The following CNTN5 variants were observed in gnomAD, a reference collection of about 807,000 sequenced individuals.
CNTN5 encodes contactin 5.
A neutral mutation model predicts 129.1 loss-of-function variants in CNTN5; 77 were observed. The observed-to-expected ratio is 0.60, with a 90% CI of 0.50 to 0.72. The LOEUF is 0.72. CNTN5 is among the 30% of genes least tolerant of loss of function. The probability of loss-of-function intolerance (pLI) is 0.00; values close to 1 mark genes in which losing one functional copy is unlikely to be tolerated. For synonymous variants in CNTN5, 509 were observed against 465.6 expected (o/e 1.09, Z -1.20); for missense variants, 1,478 against 1,328.8 (o/e 1.11, Z -1.75).
intron 1 of CNTN5, among the ~76,000 whole-genome samples, chr11:99,160,452 C>G (rs1332895894): frequency 6.6e-6 from 1 of 152,160 alleles, no homozygotes; most frequent in East Asian, 1.9e-4. Context: ...GAATTGCTTT[C>G]TACTTGGCCA....
intron 2 of CNTN5, among the ~76,000 whole-genome samples, chr11:99,331,262 A>G (rs1311863630): frequency 6.6e-6 from 1 of 152,144 alleles, no homozygotes; most frequent in Non-Finnish European, 1.5e-5. Context: ...TGTGATACCG[A>G]AGACCAGTGG....
chr11:99,826,213 A>G (rs1332352143), intron 4 of CNTN5, among the ~76,000 whole-genome samples: 3 of 152,144 alleles, frequency 2.0e-5, no homozygotes, highest in Non-Finnish European at 2.9e-5. Flanking sequence ...TTGCAAGTAC[A>G]TGTGGAAAGG....
intron 2 of CNTN5, among the ~76,000 whole-genome samples, chr11:99,369,168 TTA>T (rs971531361): frequency 1.4e-5 from 2 of 142,948 alleles, no homozygotes; most frequent in East Asian, 2.0e-4. Flanking sequence ...GGGAGAAGAA[TTA>T]TATATATATA....
At chr11:99,148,963 A>G (rs78604795) in intron 1 of CNTN5, among the ~76,000 whole-genome samples, 5,001 of 151,698 alleles carry the variant, frequency 0.033, 119 homozygotes, top group South Asian at 0.066. Context: ...AATCATTTGT[A>G]TGAGAGAGTT....
chr11:99,368,827 T>C (rs1425440464), intron 2 of CNTN5, among the ~76,000 whole-genome samples: 3 of 152,024 alleles, frequency 2.0e-5, no homozygotes, highest in African/African-American at 7.2e-5. Context: ...TCAAGGCTAT[T>C]GCAATAGGGG....
chr11:99,093,238 T>C (rs903950105), intron 1 of CNTN5, among the ~76,000 whole-genome samples: 1 of 152,070 alleles, frequency 6.6e-6, no homozygotes, highest in Non-Finnish European at 1.5e-5. Flanking sequence ...AGCATAGTTA[T>C]TGTTTAATTT....
At chr11:99,395,726 G>A (rs1941486042) in intron 2 of CNTN5, among the ~76,000 whole-genome samples, 1 of 151,828 alleles carries the variant, frequency 6.6e-6, no homozygotes, top group Admixed American at 6.6e-5. Context: ...TGTATATGAT[G>A]TAAGGAAGGG....
At chr11:99,838,627 T>C (rs1177029924) in intron 4 of CNTN5, among the ~76,000 whole-genome samples, 1 of 152,206 alleles carries the variant, frequency 6.6e-6, no homozygotes, top group East Asian at 1.9e-4. Context: ...TCCATTCTCA[T>C]TTGAAAACTT....
intron 15 of CNTN5, among the ~76,000 whole-genome samples, chr11:100,209,889 G>A (rs371667947): frequency 6.6e-6 from 1 of 152,156 alleles, no homozygotes; most frequent in East Asian, 1.9e-4. Context: ...TAAGGGTATT[G>A]TTATTTGTGT....
chr11:100,118,506 C>T (rs1297684355), intron 13 of CNTN5, among the ~76,000 whole-genome samples: 1 of 151,908 alleles, frequency 6.6e-6, no homozygotes, highest in Non-Finnish European at 1.5e-5. Flanking sequence ...TGCTCACAAA[C>T]TATTCAATAA....
At chr11:99,228,927 A>G (rs928422264) in intron 1 of CNTN5, among the ~76,000 whole-genome samples, 1 of 151,696 alleles carries the variant, frequency 6.6e-6, no homozygotes, top group Non-Finnish European at 1.5e-5. Context: ...TTATTTCTTT[A>G]TGATTGTTTT....
chr11:100,054,498 G>T (rs1943117149), intron 9 of CNTN5, among the ~76,000 whole-genome samples: 1 of 151,648 alleles, frequency 6.6e-6, no homozygotes, highest in South Asian at 2.1e-4. Flanking sequence ...GTTCTGTCTT[G>T]TAACTCCTTT....
intron 13 of CNTN5, among the ~76,000 whole-genome samples, chr11:100,181,722 G>A (rs1276061391): frequency 1.3e-5 from 2 of 151,870 alleles, no homozygotes; most frequent in East Asian, 1.9e-4. Context: ...AACTGCATGT[G>A]ACCTTACAAT....
chr11:100,222,497 G>T (rs1012442251), intron 15 of CNTN5, among the ~76,000 whole-genome samples: 7 of 152,070 alleles, frequency 4.6e-5, no homozygotes, highest in African/African-American at 1.7e-4. Flanking sequence ...TATTTGGGAA[G>T]ACAAAAGTCT....
At chr11:99,865,742 C>G (rs1330226327) in intron 6 of CNTN5, among the ~76,000 whole-genome samples, 4 of 152,002 alleles carry the variant, frequency 2.6e-5, no homozygotes, top group Non-Finnish European at 4.4e-5. Flanking sequence ...ACATGCAACT[C>G]TTTTACAGGC....
intron 2 of CNTN5, among the ~76,000 whole-genome samples, chr11:99,377,728 G>T (rs1940271286): frequency 6.6e-6 from 1 of 152,056 alleles, no homozygotes. Context: ...GTGTCTGGAG[G>T]TACATCTTTG....
At chr11:99,566,332 G>A (rs1221553710) in intron 3 of CNTN5, among the ~76,000 whole-genome samples, 2 of 152,176 alleles carry the variant, frequency 1.3e-5, no homozygotes, top group African/African-American at 2.4e-5. Context: ...CAGAAGCCAA[G>A]AGTGTTGGTG....
chr11:99,459,701 T>A (rs1324384509), intron 2 of CNTN5, among the ~76,000 whole-genome samples: 1 of 152,046 alleles, frequency 6.6e-6, no homozygotes, highest in South Asian at 2.1e-4. Context: ...GACACCTCTG[T>A]AACCTAATGA....
At chr11:99,955,646 G>A (rs11222031) in intron 7 of CNTN5, among the ~76,000 whole-genome samples, 19,102 of 151,718 alleles carry the variant, frequency 0.13, 1,429 homozygotes, top group Non-Finnish European at 0.15. Context: ...TGCAAGCTCC[G>A]CCTCTCAGTT....
Sources: allele counts gnomAD v4.1 joint callset (sites outside exome capture counted in the v4.1 genomes callset), GRCh38; gene constraint gnomAD v4.1.1; transcripts MANE v1.5; gene names NCBI Gene and HGNC (gene_info 2026-07-23, HGNC 2026-07-21).